CIB4: variants seen among roughly 807,000 people sequenced by gnomAD.
The protein encoded by CIB4 is calcium and integrin binding family member 4, also known as calcium and integrin-binding family member 4.
A neutral mutation model predicts 25.8 loss-of-function variants in CIB4; 25 were observed. That is an observed-to-expected ratio of 0.97 (90% CI 0.71 to 1.35). The LOEUF is 1.35. Among genes scored for constraint, CIB4 ranks in the 40% most tolerant of loss-of-function variants. The pLI is 0.00. For synonymous variants in CIB4, 75 were observed against 81.4 expected, an observed-to-expected ratio of 0.92 and a Z score of 0.42; for missense variants, 235 against 228.2, an observed-to-expected ratio of 1.03 and a Z score of -0.19.
intron 3 of CIB4, among the ~76,000 whole-genome samples, chr2:26,606,564 G>C (rs1668894056): frequency 6.6e-6 from 1 of 152,184 alleles, no homozygotes; most frequent in African/African-American, 2.4e-5. Flanking sequence ...GAAGGCAGCA[G>C]TGGGGTTTAA....
At position 26,583,703 on chromosome 2, in the gene CIB4, G is replaced by A. The variant is rs892714443; in HGVS notation, c.438+86C>T. The A allele has an allele frequency of 9.3e-6, 8 of 856,292 alleles. No homozygotes were observed. In the African/African-American group the frequency reaches 9.9e-5, roughly 11 times the overall value. The allele number at this position is 856,292 out of a possible 1,614,324, so 53.0% of individuals were successfully genotyped here. On this transcript the variant is annotated intron_variant, in intron 5 of 6. Transcript: ENST00000288861. Reference sequence around the variant, plus strand: ...GCTGGCCCTGGGTCTCCTCCCAAGAGGGTGGCCTGACATCCGGGGGCTTTG... The same window carrying A: ...GCTGGCCCTGGGTCTCCTCCCAAGAAGGTGGCCTGACATCCGGGGGCTTTG...
chr2:26,623,276 G>A (rs1359041586), intron 3 of CIB4: 1 of 174,294 alleles, frequency 5.7e-6, no homozygotes, highest in Non-Finnish European at 1.3e-5. Flanking sequence ...CCCAGAGATT[G>A]AGGCTGCAGG....
chr2:26,586,014 A>G (rs1378690741), intron 4 of CIB4, among the ~76,000 whole-genome samples: 2 of 151,992 alleles, frequency 1.3e-5, no homozygotes, highest in African/African-American at 4.8e-5. Context: ...GGGTTGGCAA[A>G]TCCTCCCAGC....
chr2:26,629,317 G>A, intron 3 of CIB4, 93 bp downstream of exon 3: 3 of 784,706 alleles, frequency 3.8e-6, no homozygotes, highest in Non-Finnish European at 4.3e-6. Flanking sequence ...ACAGCACGGA[G>A]TGCCCACCTC....
intron 4 of CIB4, among the ~76,000 whole-genome samples, chr2:26,589,587 G>T (rs1409784121): frequency 1.3e-5 from 2 of 152,172 alleles, no homozygotes; most frequent in Non-Finnish European, 2.9e-5. Context: ...CTCTCAAAGT[G>T]CTGGGATTAC....
intron 3 of CIB4, among the ~76,000 whole-genome samples, chr2:26,625,506 C>T (rs1489201631): frequency 1.3e-5 from 2 of 152,186 alleles, no homozygotes; most frequent in Non-Finnish European, 2.9e-5. Context: ...GCATGTGCCA[C>T]CATGCCCGGC....
chr2:26,617,253 C>G (rs894404661), intron 3 of CIB4, among the ~76,000 whole-genome samples: 9 of 151,964 alleles, frequency 5.9e-5, no homozygotes, highest in African/African-American at 1.9e-4. Context: ...TCAGCCAGCC[C>G]CCTGTGTAAC....
chr2:26,611,962 T>A (rs916061024), intron 3 of CIB4, among the ~76,000 whole-genome samples: 5 of 152,250 alleles, frequency 3.3e-5, no homozygotes, highest in African/African-American at 1.2e-4. Flanking sequence ...AAATTTATGT[T>A]AGGGTCGTTG....
chr2:26,623,730 A>G (rs555735432), intron 3 of CIB4: 3 of 346,490 alleles, frequency 8.7e-6, no homozygotes, highest in Non-Finnish European at 1.8e-5. Context: ...GGAGGAGGGA[A>G]GAGGCCAGGG....
intron 3 of CIB4, among the ~76,000 whole-genome samples, chr2:26,612,283 TA>T (rs1411694027): frequency 6.6e-6 from 1 of 152,224 alleles, no homozygotes; most frequent in Non-Finnish European, 1.5e-5. Flanking sequence ...CAGAGCTCAA[TA>T]AGAACGGAAG....
rs1175031425 is a variant in CIB4, at chr2:26,588,990, CT to C, written c.329-5093del. On this transcript the variant is annotated intron_variant, in intron 4 of 6. Transcript: ENST00000288861. ...CTGCCGCTTCTTCTTTCTTCTTCTT[CT>C]TCTTCTTCTTCTTCTTCTTCTTCTT... Among the ~76,000 whole-genome samples the C allele has an allele frequency of 3.9e-3, 27 of 6,848 alleles. 2 individuals carry two copies. The highest frequency in any genetic ancestry group is 0.011 in the African/African-American group (27 of 2,446). The allele number at this position is 6,848 out of a possible 152,430, so 4.5% of individuals were successfully genotyped here.
At chr2:26,635,425 AC>A (rs1459015442) in intron 2 of CIB4, among the ~76,000 whole-genome samples, 3 of 152,250 alleles carry the variant, frequency 2.0e-5, no homozygotes, top group Admixed American at 6.5e-5. Context: ...TGCAAAGGTT[AC>A]TTCTACCTAT....
chr2:26,619,442 C>T (rs556553349), intron 3 of CIB4, among the ~76,000 whole-genome samples: 1 of 152,212 alleles, frequency 6.6e-6, no homozygotes, highest in African/African-American at 2.4e-5. Context: ...ACGAGGGCAA[C>T]GATGAGGAGG....
At chr2:26,612,834 G>T (rs150002305) in intron 3 of CIB4, among the ~76,000 whole-genome samples, 5 of 152,294 alleles carry the variant, frequency 3.3e-5, no homozygotes, top group African/African-American at 1.2e-4. Flanking sequence ...CAAGGGGGAG[G>T]TTCTGCATCA....
intron 2 of CIB4, among the ~76,000 whole-genome samples, chr2:26,635,660 A>G (rs1669518482): frequency 6.6e-6 from 1 of 152,228 alleles, no homozygotes; most frequent in Admixed American, 6.5e-5. Flanking sequence ...TCCCTGAGCC[A>G]GAGAAGCTGG....
rs71399399 is a variant in CIB4 at position 26,636,695 on chromosome 2, A to ATT, written c.89+3836_89+3837dup. ...CCTATGAAAAGGTCCATAAGAGATG[A>ATT]TTTTTTTAATTTGCATGACAAAAAG... On this transcript the variant is annotated intron_variant, in intron 2 of 6. Coordinates refer to ENST00000288861, the MANE Select transcript of CIB4 (RefSeq NM_001029881.3). 9.2e-5 allele frequency among the ~76,000 whole-genome samples: 14 copies of ATT among 152,210 alleles called. No homozygotes were observed. The East Asian group carries it at 9.6e-4, about 10-fold the overall frequency.
intron 3 of CIB4, among the ~76,000 whole-genome samples, chr2:26,624,605 G>C (rs1366692432): frequency 6.6e-6 from 1 of 151,932 alleles, no homozygotes; most frequent in Non-Finnish European, 1.5e-5. Context: ...GATGGTCACT[G>C]ACAGTGGATG....
intron 3 of CIB4, among the ~76,000 whole-genome samples, chr2:26,602,688 T>G (rs142550158): frequency 1.7e-3 from 256 of 152,288 alleles, no homozygotes; most frequent in Non-Finnish European, 2.8e-3. Flanking sequence ...AGAAATACCA[T>G]CCTCACCAAA....
At chr2:26,582,651 C>A in intron 6 of CIB4, among the ~76,000 whole-genome samples, 174 bp downstream of exon 6, 1 of 152,324 alleles carries the variant, frequency 6.6e-6, no homozygotes, top group South Asian at 2.1e-4. Context: ...CCCAGGGTTA[C>A]CTAATTTCTC....
Sources: gnomAD v4.1 joint callset for allele counts (sites outside exome capture counted in the v4.1 genomes callset) on GRCh38, gnomAD v4.1.1 for gene constraint, MANE v1.5 for transcripts, NCBI Gene and HGNC (gene_info 2026-07-23, HGNC 2026-07-21) for gene names.